ZFYVE1: variants seen among roughly 807,000 people sequenced by gnomAD.
ZFYVE1 encodes zinc finger FYVE domain-containing protein 1.
ZFYVE1 carries 30 observed loss-of-function variants against 74.4 expected under a neutral mutation model. The ratio of observed to expected loss-of-function variants is 0.40; its 90% CI spans 0.30 to 0.55. ZFYVE1 has a LOEUF of 0.55. Ranked by LOEUF, ZFYVE1 falls within the 20% of genes least tolerant of loss-of-function variation. ZFYVE1 has a pLI of 0.42. For missense variants in ZFYVE1, 703 were observed against 1,011.6 expected, an observed-to-expected ratio of 0.69 and a Z score of 4.14; for synonymous variants, 335 against 385.1, an observed-to-expected ratio of 0.87 and a Z score of 1.52.
In ZFYVE1 at chr14:72,975,623, G is replaced by A. The variant is rs935299870; in HGVS notation, c.1734C>T (p.Pro578=). 35 of 1,614,178 alleles carry A rather than the reference G, an allele frequency of 2.2e-5. No homozygotes were observed. Among genetic ancestry groups the A allele is most frequent in the Non-Finnish European group, 2.9e-5 (34 of 1,180,038 alleles). ...AQSVSELSLG[P]TKAVTSWLTD... ...TCAGCCAGGAAGTCACAGCCTTGGT[G>A]GGTCCAAGGCTAAGCTCGGACACCG... is the stretch of plus-strand genomic sequence containing the variant. Residue 578 remains proline (P), a synonymous_variant, in exon 9 of 12, where the codon CCC becomes CCT. Coordinates refer to ENST00000556143, the MANE Select transcript of ZFYVE1 (RefSeq NM_021260.4). The surrounding 1 kb of genome is among the most constrained non-coding windows in gnomAD (Gnocchi z 4.1).
At chr14:73,000,116 A>T (rs1893838218) in intron 2 of ZFYVE1, among the ~76,000 whole-genome samples, 1 of 152,170 alleles carries the variant, frequency 6.6e-6, no homozygotes. Flanking sequence ...AGTATTCCAA[A>T]CATACAAAGA....
At chr14:72,989,505 G>C (rs61986508) in intron 4 of ZFYVE1, among the ~76,000 whole-genome samples, 8,597 of 152,242 alleles carry the variant, frequency 0.056, 328 homozygotes, top group Non-Finnish European at 0.089. Context: ...ACATTCTGCA[G>C]TACTTGAATT....
At chr14:73,026,305 G>A (rs1894459519) in intron 1 of ZFYVE1, among the ~76,000 whole-genome samples, 1 of 152,126 alleles carries the variant, frequency 6.6e-6, no homozygotes, top group African/African-American at 2.4e-5. Flanking sequence ...AGGGGCTTTT[G>A]TCACTTTGAC....
intron 4 of ZFYVE1, 21 bp downstream of exon 4, chr14:72,993,122 T>C (rs1893658929): frequency 1.3e-6 from 2 of 1,574,252 alleles, no homozygotes; most frequent in East Asian, 2.2e-5. Context: ...TGAGAAGCCC[T>C]TGGGGCACAA....
chr14:72,970,232 T>A lies in ZFYVE1; in HGVS notation c.*650A>T, dbSNP rs1225788961. On this transcript the variant is annotated 3_prime_UTR_variant, in exon 12 of 12. Coordinates refer to ENST00000556143, the MANE Select transcript of ZFYVE1 (RefSeq NM_021260.4). The stretch of plus-strand genomic sequence containing the variant: ...ACCCGACCTCTGACCCTCCACCCAC[T>A]CCGGTGACCTGCACGCTAAGTTGGG... The A allele has an allele frequency of 3.0e-5, 5 of 166,890 alleles. No individual in the cohort carries two copies. The highest frequency in any genetic ancestry group is 1.2e-4 in the African/African-American group (5 of 41,616). 10.3% of individuals were successfully genotyped at this position (166,890 alleles called of 1,614,324 possible).
chr14:72,983,281 T>C (rs978932562), intron 4 of ZFYVE1, among the ~76,000 whole-genome samples: 4 of 151,804 alleles, frequency 2.6e-5, no homozygotes, highest in East Asian at 1.9e-4. Context: ...ATGTGCCACG[T>C]TGGTGTGCTG....
intron 2 of ZFYVE1, among the ~76,000 whole-genome samples, chr14:73,007,224 T>A (rs1039645814): frequency 2.0e-5 from 3 of 152,016 alleles, no homozygotes; most frequent in Non-Finnish European, 4.4e-5. Context: ...TAAAGAGCCT[T>A]GGAAGGAAGG....
At chr14:73,004,195 G>A (rs531485625) in intron 2 of ZFYVE1, among the ~76,000 whole-genome samples, 10 of 152,200 alleles carry the variant, frequency 6.6e-5, no homozygotes, top group South Asian at 6.2e-4. Flanking sequence ...CAAAAGCTCC[G>A]TAAAGCTCTA....
intron 2 of ZFYVE1, among the ~76,000 whole-genome samples, chr14:73,019,679 C>T (rs1203038539): frequency 3.9e-5 from 6 of 152,146 alleles, no homozygotes; most frequent in East Asian, 3.8e-4. Flanking sequence ...CGAGGCCAGG[C>T]GCAGTGGCTC....
intron 11 of ZFYVE1, among the ~76,000 whole-genome samples, 156 bp from the exon 12 acceptor site, chr14:72,971,270 A>C (rs1893027894): frequency 6.6e-6 from 1 of 152,216 alleles, no homozygotes; most frequent in Non-Finnish European, 1.5e-5. Context: ...AGGCTCTGCC[A>C]CTCACATCCA....
At chr14:73,012,167 A>T (rs1894104466) in intron 2 of ZFYVE1, among the ~76,000 whole-genome samples, 1 of 152,128 alleles carries the variant, frequency 6.6e-6, no homozygotes, top group Non-Finnish European at 1.5e-5. Flanking sequence ...AGGTAGGGAG[A>T]GAAAGAAAGG....
intron 3 of ZFYVE1, 78 bp downstream of exon 3, chr14:72,997,732 CA>C: frequency 6.7e-7 from 1 of 1,496,080 alleles, no homozygotes; most frequent in Non-Finnish European, 9.0e-7. Flanking sequence ...CCACTACCAA[CA>C]AGTTGCTATT....
chr14:72,977,073 A>C (rs531824316), intron 8 of ZFYVE1, among the ~76,000 whole-genome samples: 1 of 152,102 alleles, frequency 6.6e-6, no homozygotes, highest in East Asian at 1.9e-4. Context: ...CTGCCTCACA[A>C]ACAGATTTGT....
chr14:73,004,426 C>A (rs1045950986), intron 2 of ZFYVE1, among the ~76,000 whole-genome samples: 1 of 151,918 alleles, frequency 6.6e-6, no homozygotes, highest in Admixed American at 6.6e-5. Flanking sequence ...TTGAATGTCT[C>A]GGGATTCATA....
At chr14:72,999,057 C>A (rs1261210990) in intron 2 of ZFYVE1, among the ~76,000 whole-genome samples, 1 of 152,078 alleles carries the variant, frequency 6.6e-6, no homozygotes, top group Non-Finnish European at 1.5e-5. Flanking sequence ...CCTTGAGAGA[C>A]CAAGGCAGGA....
chr14:73,003,905 G>A (rs1210539918), intron 2 of ZFYVE1, among the ~76,000 whole-genome samples: 1 of 152,120 alleles, frequency 6.6e-6, no homozygotes, highest in East Asian at 1.9e-4. Flanking sequence ...GACACCGCCT[G>A]GCACACAGGA....
At chr14:72,972,787 A>G (rs1056394885) in intron 11 of ZFYVE1, among the ~76,000 whole-genome samples, 4 of 150,100 alleles carry the variant, frequency 2.7e-5, no homozygotes, top group African/African-American at 4.9e-5. Flanking sequence ...GCCTCACTGC[A>G]AGCTCCACCT....
At chr14:72,982,215 T>C (rs1442812750) in intron 4 of ZFYVE1, among the ~76,000 whole-genome samples, 1 of 152,214 alleles carries the variant, frequency 6.6e-6, no homozygotes, top group Non-Finnish European at 1.5e-5. Flanking sequence ...ATTTCATCTA[T>C]GTGAGGCTGG....
rs1893221341 is a variant in ZFYVE1 at position 72,978,051 on chromosome 14, G to A, written c.1518-7C>T. 1 of 1,614,130 alleles carries A rather than the reference G, an allele frequency of 6.2e-7. No homozygotes were observed. Among genetic ancestry groups the A allele is most frequent in the African/African-American group, 1.3e-5 (1 of 75,008 alleles). ...AGGACATTCGATCACATACCTACAA[G>A]GAAAGCAAATCAATACTGTTACCCA... On this transcript the variant is annotated splice_region_variant and splice_polypyrimidine_tract_variant and intron_variant, in intron 7 of 11. Coordinates refer to ENST00000556143, the MANE Select transcript of ZFYVE1 (RefSeq NM_021260.4).
Sources: allele counts gnomAD v4.1 joint callset (sites outside exome capture counted in the v4.1 genomes callset), GRCh38; gene constraint gnomAD v4.1.1; non-coding constraint Gnocchi (gnomAD v3.1); transcripts MANE v1.5; gene names NCBI Gene and HGNC (gene_info 2026-07-23, HGNC 2026-07-21).